The following AK4 variants were observed in gnomAD, a reference collection of about 807,000 sequenced individuals.
AK4 encodes the protein adenylate kinase 4, also known as adenylate kinase 4, mitochondrial.
In AK4, 13 loss-of-function variants were observed where a neutral mutation model predicts 24.6. The observed-to-expected ratio is 0.53, with a 90% CI of 0.34 to 0.84. The LOEUF is 0.84. Among genes scored for constraint, AK4 ranks in the 40% least tolerant of loss-of-function variants. The pLI is 0.01. For missense variants in AK4, 192 were observed against 288.2 expected (o/e 0.67, Z 2.42); for synonymous variants, 88 against 107.0 (o/e 0.82, Z 1.10).
intron 3 of AK4, among the ~76,000 whole-genome samples, chr1:65,222,329 G>T (rs1652324669): frequency 6.6e-6 from 1 of 152,144 alleles, no homozygotes; most frequent in African/African-American, 2.4e-5. Context: ...CAAGCTCCCA[G>T]CTTGCTTGTC....
At chr1:65,170,162 G>A (rs1242661022) in intron 1 of AK4, among the ~76,000 whole-genome samples, 1 of 152,060 alleles carries the variant, frequency 6.6e-6, no homozygotes, top group Non-Finnish European at 1.5e-5. Flanking sequence ...GGATCACGAG[G>A]TCAGGAGATT....
chr1:65,201,787 C>G (rs1204436909), intron 2 of AK4, among the ~76,000 whole-genome samples: 2 of 151,914 alleles, frequency 1.3e-5, no homozygotes, highest in Non-Finnish European at 2.9e-5. Context: ...ACACCCAGAA[C>G]CATAATTGGA....
chr1:65,175,573 A>G (rs1156614870), intron 1 of AK4, among the ~76,000 whole-genome samples: 1 of 152,208 alleles, frequency 6.6e-6, no homozygotes, highest in Non-Finnish European at 1.5e-5. Context: ...TAAAAGTGAC[A>G]TTCCTCCTTA....
intron 1 of AK4, among the ~76,000 whole-genome samples, chr1:65,172,818 G>A (rs979754598): frequency 5.4e-5 from 8 of 148,186 alleles, no homozygotes; most frequent in African/African-American, 2.0e-4. Flanking sequence ...CTTCTTCTTC[G>A]CTATTTCTAC....
chr1:65,217,566 T>C (rs538198791), intron 2 of AK4, among the ~76,000 whole-genome samples: 2 of 152,284 alleles, frequency 1.3e-5, no homozygotes, highest in African/African-American at 4.8e-5. Context: ...GCAGATAAAC[T>C]GGAGTGATTT....
At chr1:65,206,413 C>G (rs759284522) in intron 2 of AK4, among the ~76,000 whole-genome samples, 5 of 152,182 alleles carry the variant, frequency 3.3e-5, no homozygotes, top group Non-Finnish European at 5.9e-5. Flanking sequence ...TACAGTGGGA[C>G]CGGTTTTCCC....
chr1:65,152,382 ATATTTTTTTTTTTT>A (rs1557434569), intron 1 of AK4, among the ~76,000 whole-genome samples: 37 of 26,728 alleles, frequency 1.4e-3, no homozygotes, highest in African/African-American at 3.9e-3. Context: ...ATATATATAT[ATATTTTTTTTTTTT>A]TTTTTTTTTT....
At chr1:65,190,613 A>G (rs557395110) in intron 1 of AK4, 97 bp from the exon 2 acceptor site, 3 of 1,397,556 alleles carry the variant, frequency 2.1e-6, no homozygotes, top group African/African-American at 1.4e-5. Flanking sequence ...TTCTTCCCAC[A>G]TCAGGAAGGA....
intron 2 of AK4, among the ~76,000 whole-genome samples, chr1:65,212,420 C>T (rs1162063129): frequency 6.6e-6 from 1 of 151,962 alleles, no homozygotes; most frequent in African/African-American, 2.4e-5. Context: ...CCTTAATCTC[C>T]CAAAGTGCTG....
At chr1:65,205,691 T>C (rs541242872) in intron 2 of AK4, among the ~76,000 whole-genome samples, 2 of 152,376 alleles carry the variant, frequency 1.3e-5, no homozygotes, top group East Asian at 1.9e-4. Flanking sequence ...TTCAGTTCTT[T>C]CCTTTCAGGG....
At chr1:65,203,167 C>T (rs879764225) in intron 2 of AK4, among the ~76,000 whole-genome samples, 42 of 152,084 alleles carry the variant, frequency 2.8e-4, no homozygotes, top group Admixed American at 8.5e-4. Context: ...GCCACTGTGC[C>T]GAGTTGTATA....
At chr1:65,171,604 C>T (rs1273187197) in intron 1 of AK4, among the ~76,000 whole-genome samples, 5 of 152,032 alleles carry the variant, frequency 3.3e-5, no homozygotes, top group African/African-American at 7.2e-5. Context: ...TGTGCCCAGC[C>T]AATAGTTGCT....
At chr1:65,181,841 T>C (rs1650920060) in intron 1 of AK4, among the ~76,000 whole-genome samples, 1 of 152,238 alleles carries the variant, frequency 6.6e-6, no homozygotes, top group South Asian at 2.1e-4. Context: ...TGACTTCTGA[T>C]GCCCCCTCCC....
At chr1:65,161,393 T>A (rs1487145754) in intron 1 of AK4, among the ~76,000 whole-genome samples, 2 of 152,178 alleles carry the variant, frequency 1.3e-5, no homozygotes, top group Admixed American at 1.3e-4. Context: ...CTACATTACG[T>A]TCCCAGGAGG....
intron 2 of AK4, among the ~76,000 whole-genome samples, chr1:65,215,418 C>T (rs1019895581): frequency 2.6e-5 from 4 of 151,990 alleles, no homozygotes; most frequent in South Asian, 2.1e-4. Context: ...GTCATTCACC[C>T]GCCTCGGCCT....
At chr1:65,150,091 C>T (rs1649714951) in intron 1 of AK4, among the ~76,000 whole-genome samples, 1 of 152,082 alleles carries the variant, frequency 6.6e-6, no homozygotes, top group Non-Finnish European at 1.5e-5. Context: ...TTCCATAATT[C>T]TCTGTACCTT....
intron 2 of AK4, among the ~76,000 whole-genome samples, chr1:65,203,242 A>AT (rs1651718247): frequency 6.6e-6 from 1 of 152,128 alleles, no homozygotes; most frequent in Non-Finnish European, 1.5e-5. Flanking sequence ...TAGCACGTTC[A>AT]TGGCATAGGT....
intron 2 of AK4, among the ~76,000 whole-genome samples, chr1:65,197,211 G>GT (rs35738731): frequency 5.9e-5 from 9 of 151,652 alleles, no homozygotes; most frequent in Non-Finnish European, 1.0e-4. Context: ...ATTAGTAACT[G>GT]TTTTTTTTCG....
Position 65,148,390 on chromosome 1 carries a change from C to T in AK4, c.-18C>T, listed in dbSNP as rs1649638786. The T allele has an allele frequency of 1.3e-6, 2 of 1,525,854 alleles. No homozygotes were observed. The highest frequency in any genetic ancestry group is 2.4e-5 in the East Asian group (1 of 40,902). The allele number at this position is 1,525,854 out of a possible 1,614,324, so 94.5% of individuals were successfully genotyped here. ...GGTCGGGGCTGCGCGTTTGACCGCC[C>T]CCCTCCTCGCGAAGGCAATGGCTTC... On this transcript the variant is annotated 5_prime_UTR_variant, in exon 1 of 5. Coordinates refer to ENST00000327299, the MANE Select transcript of AK4 (RefSeq NM_013410.4).
Sources: gnomAD v4.1 joint callset for allele counts (sites outside exome capture counted in the v4.1 genomes callset) on GRCh38, gnomAD v4.1.1 for gene constraint, MANE v1.5 for transcripts, NCBI Gene and HGNC (gene_info 2026-07-23, HGNC 2026-07-21) for gene names.